Variants in MNDA observed in about 807,000 individuals in gnomAD.
MNDA encodes the protein epididymis secretory sperm binding protein.
A neutral mutation model predicts 37.8 loss-of-function variants in MNDA; 43 were observed. The ratio of observed to expected loss-of-function variants is 1.14; its 90% CI spans 0.89 to 1.47. MNDA has a LOEUF of 1.47. Ranked by LOEUF, MNDA falls within the 40% of genes most tolerant of loss-of-function variation. MNDA has a pLI of 0.00. For synonymous variants in MNDA, 181 were observed against 169.0 expected (o/e 1.07, Z -0.55); for missense variants, 536 against 476.0 (o/e 1.13, Z -1.17).
Position 158,842,263 on chromosome 1 carries a change from CA to C in MNDA, c.115del (p.Met39CysfsTer13), listed in dbSNP as rs761560925. 46 of 1,613,868 alleles carry C rather than the reference CA, an allele frequency of 2.9e-5. No individual in the cohort carries two copies. Among genetic ancestry groups the C allele is most frequent in the Non-Finnish European group, 3.7e-5 (44 of 1,179,964 alleles). On this transcript the variant is annotated frameshift_variant, in exon 2 of 7. Transcript: ENST00000368141. LOFTEE classifies it high-confidence loss of function. ...SLLAYDLGLT[T>X]KMQEEYNRIK... ...CTGGCCTATGATTTAGGACTAACTA[CA>C]AAAATGCAAGAGGAATACAACAGAA... is the stretch of plus-strand genomic sequence containing the variant.
intron 2 of MNDA, chr1:158,842,745 A>G (rs1659055938): frequency 4.9e-6 from 1 of 202,382 alleles, no homozygotes; most frequent in South Asian, 1.4e-4. Context: ...TATTTGAAAT[A>G]TTTATATTTA....
chr1:158,847,859 A>G lies in MNDA; in HGVS notation c.1119A>G (p.Gln373=). The G allele has an allele frequency of 6.2e-7, 1 of 1,614,064 alleles. No homozygotes were observed. The highest frequency in any genetic ancestry group is 8.5e-7 in the Non-Finnish European group (1 of 1,179,928). The change falls in exon 6 of 7, where the codon CAA becomes CAG. Residue 373 remains glutamine, a synonymous_variant. Transcript: ENST00000368141. ...ATAAACTTCGACTCTTCTGCCTTCA[A>G]CTGAGAACAGTTGACCGCAAGCTGA... ...KGDKLRLFCL[Q]LRTVDRKLKL... is the part of the protein sequence containing the mutation.
intron 1 of MNDA, among the ~76,000 whole-genome samples, chr1:158,834,393 C>T (rs928126164): frequency 2.6e-5 from 4 of 151,838 alleles, no homozygotes; most frequent in Non-Finnish European, 2.9e-5. Flanking sequence ...CCACCATGCC[C>T]GGCTAATTTT....
At position 158,842,121 on chromosome 1, in the gene MNDA, T is replaced by C; in HGVS notation, c.-20-13T>C. ...ATAAATGTGTAATGTTGTGTGTCAT[T>C]TTTACTTTATAGGCCAAGCTATAAC... is the stretch of plus-strand genomic sequence containing the variant. On this transcript the variant is annotated splice_polypyrimidine_tract_variant and intron_variant, in intron 1 of 6. Coordinates refer to ENST00000368141, the MANE Select transcript of MNDA (RefSeq NM_002432.3). The C allele has an allele frequency of 6.4e-7, 1 of 1,569,270 alleles. No individual in the cohort carries two copies. Among genetic ancestry groups the C allele is most frequent in the Non-Finnish European group, 8.6e-7 (1 of 1,160,832 alleles).
At chr1:158,838,003 C>T (rs780931692) in intron 1 of MNDA, among the ~76,000 whole-genome samples, 3 of 151,820 alleles carry the variant, frequency 2.0e-5, no homozygotes, top group African/African-American at 2.4e-5. Context: ...AGCTCCCCAA[C>T]ACATATTTTA....
Position 158,847,710 on chromosome 1 carries a change from G to A in MNDA, c.988-18G>A. ...CTAACAATCCTCTCAGAAACAGGAT[G>A]TTAATCTTCTTTTGCAGAAAAGCGT... On this transcript the variant is annotated intron_variant, in intron 5 of 6. Coordinates refer to ENST00000368141, the MANE Select transcript of MNDA (RefSeq NM_002432.3). 6.2e-7 allele frequency: 1 copy of A among 1,603,468 alleles called. No homozygotes were observed. Among genetic ancestry groups the A allele is most frequent in the South Asian group, 1.1e-5 (1 of 89,672 alleles).
chr1:158,849,470 G>C lies in MNDA; in HGVS notation c.*233G>C. The stretch of plus-strand genomic sequence containing the variant: ...TACATTTTGCTTTTATGACATTCAC[G>C]AGGCAAAAAATAAAATATCTTTTTT... On this transcript the variant is annotated 3_prime_UTR_variant, in exon 7 of 7. Transcript: ENST00000368141. 2.3e-6 allele frequency: 1 copy of C among 443,158 alleles called. No homozygotes were observed. The highest frequency in any genetic ancestry group is 3.9e-5 in the East Asian group (1 of 25,390). 27.5% of individuals were successfully genotyped at this position (443,158 alleles called of 1,614,324 possible).
chr1:158,844,544 T>C (rs1483016052), intron 4 of MNDA, among the ~76,000 whole-genome samples: 2 of 150,476 alleles, frequency 1.3e-5, no homozygotes, highest in African/African-American at 4.9e-5. Context: ...TTGTCCTTTT[T>C]CCATTGTTGT....
intron 6 of MNDA, 60 bp from the exon 7 acceptor site, chr1:158,849,130 A>C: frequency 7.6e-7 from 1 of 1,322,524 alleles, no homozygotes; most frequent in East Asian, 2.4e-5. Context: ...GGAGAACTAT[A>C]AGCAGAGCTT....
intron 3 of MNDA, among the ~76,000 whole-genome samples, chr1:158,843,675 G>A (rs933512336): frequency 5.3e-5 from 8 of 152,262 alleles, no homozygotes; most frequent in Admixed American, 2.6e-4. Flanking sequence ...CACAAATCTA[G>A]ATTTTCTCAT....
In MNDA at chr1:158,849,055, C is replaced by T. The variant is rs10157159; in HGVS notation, c.1177-135C>T. 1.3e-3 allele frequency: 641 copies of T among 510,472 alleles called. 4 individuals carry two copies. Among genetic ancestry groups the T allele is most frequent in the African/African-American group, 0.011 (570 of 50,126 alleles). 31.6% of individuals were successfully genotyped at this position (510,472 alleles called of 1,614,324 possible). A position where few individuals can be genotyped will look rare whatever the true frequency, so the allele number is the denominator to read the frequency against. On this transcript the variant is annotated intron_variant, in intron 6 of 6. Transcript: ENST00000368141. ...TAGATCTTCATAACTTTGTGACTAA[C>T]GAGCTTTCATAGGGGATAAGGAGAA...
intron 4 of MNDA, among the ~76,000 whole-genome samples, chr1:158,845,386 C>T (rs1431310192): frequency 1.3e-5 from 2 of 152,162 alleles, no homozygotes; most frequent in Admixed American, 6.5e-5. Context: ...TACAGACGCC[C>T]GCTACAACGC....
chr1:158,846,877 A>T (rs1659144191), intron 5 of MNDA, among the ~76,000 whole-genome samples: 1 of 152,214 alleles, frequency 6.6e-6, no homozygotes, highest in Non-Finnish European at 1.5e-5. Flanking sequence ...GCAATTACAG[A>T]ATTGATGAGT....
Position 158,833,716 on chromosome 1 carries a change from C to T in MNDA, c.-21+2159C>T, listed in dbSNP as rs572158234. ...CATTTCATGTATTTACCATAAAATA[C>T]GTAAGAAACCATATTTCTTTTTATT... On this transcript the variant is annotated intron_variant, in intron 1 of 6. Transcript: ENST00000368141. Among the ~76,000 whole-genome samples, 11 of 152,206 alleles carry T rather than the reference C, an allele frequency of 7.2e-5. No homozygotes were observed. In the South Asian group the frequency reaches 1.7e-3, roughly 23 times the overall value.
At position 158,844,105 on chromosome 1, in the gene MNDA, A is replaced by G; in HGVS notation, c.553A>G (p.Asn185Asp). 1 of 1,584,802 alleles carries G rather than the reference A, an allele frequency of 6.3e-7. No homozygotes were observed. The highest frequency in any genetic ancestry group is 8.6e-7 in the Non-Finnish European group (1 of 1,167,566). The change falls in exon 4 of 7, where the codon AAC becomes GAC. Residue 185 changes from asparagine to aspartate, a missense_variant. Physicochemically the swap from Asn to Asp is conservative, Grantham distance 23 (BLOSUM62 1). Coordinates refer to ENST00000368141, the MANE Select transcript of MNDA (RefSeq NM_002432.3). Reference protein sequence around the residue: ...LPQTSSSTPSNTSFTPNQETQ... With the variant: ...LPQTSSSTPSDTSFTPNQETQ... ...CCAGACCTCATCATCAACTCCATCC[A>G]ACACTTCGTTTACTCCGGTACACTC...
chr1:158,846,277 A>G (rs1659132281), intron 5 of MNDA, among the ~76,000 whole-genome samples: 1 of 152,248 alleles, frequency 6.6e-6, no homozygotes, highest in African/African-American at 2.4e-5. Context: ...ACAGGGTCCA[A>G]ATCAACGGGA....
At position 158,842,385 on chromosome 1, in the gene MNDA, C is replaced by G. The variant is rs1399311362; in HGVS notation, c.232C>G (p.Leu78Val). 1 of 1,612,172 alleles carries G rather than the reference C, an allele frequency of 6.2e-7. No individual in the cohort carries two copies. The highest frequency in any genetic ancestry group is 8.5e-7 in the Non-Finnish European group (1 of 1,179,468). ...CAAAGATATGCCATCACTTAAAAAC[C>G]TTGTTAACAATCTTCGAAAAGAGAA... Reference protein sequence around the residue: ...LAKDMPSLKNLVNNLRKEKSK... With the variant: ...LAKDMPSLKNVVNNLRKEKSK... The change falls in exon 2 of 7, where the codon CTT becomes GTT. Residue 78 changes from leucine (L) to valine (V), a missense_variant. Coordinates refer to ENST00000368141, the MANE Select transcript of MNDA (RefSeq NM_002432.3).
At chr1:158,840,779 C>G (rs1335385400) in intron 1 of MNDA, among the ~76,000 whole-genome samples, 1 of 152,084 alleles carries the variant, frequency 6.6e-6, no homozygotes, top group Admixed American at 6.6e-5. Context: ...AAGATTTTAT[C>G]ATTTTGCTTT....
chr1:158,847,636 T>A, intron 5 of MNDA, 92 bp from the exon 6 acceptor site: 1 of 1,208,816 alleles, frequency 8.3e-7, no homozygotes, highest in Non-Finnish European at 1.2e-6. Flanking sequence ...ATTCCTGTCG[T>A]GCATATTGCA....
Sources: gnomAD v4.1 joint callset for allele counts (sites outside exome capture counted in the v4.1 genomes callset) on GRCh38, gnomAD v4.1.1 for gene constraint, MANE v1.5 for transcripts, NCBI Gene and HGNC (gene_info 2026-07-23, HGNC 2026-07-21) for gene names.